Variants in ZNF146 observed in about 807,000 individuals in gnomAD.
The protein encoded by ZNF146 is zinc finger protein 146.
ZNF146 carries 9 observed loss-of-function variants against 22.2 expected under a neutral mutation model. The observed-to-expected ratio is 0.41, with a 90% CI of 0.24 to 0.71. The LOEUF is 0.71. Ranked by LOEUF, ZNF146 falls within the 30% of genes least tolerant of loss-of-function variation. The pLI, the probability that ZNF146 is intolerant of heterozygous loss-of-function variation, is 0.34. For synonymous variants in ZNF146, 108 were observed against 119.2 expected, an observed-to-expected ratio of 0.91 and a Z score of 0.61; for missense variants, 194 against 344.8, an observed-to-expected ratio of 0.56 and a Z score of 3.46.
chr19:36,229,895 T>C (rs904218591), intron 3 of ZNF146, among the ~76,000 whole-genome samples: 1 of 152,170 alleles, frequency 6.6e-6, no homozygotes, highest in Non-Finnish European at 1.5e-5. Flanking sequence ...AATTTTTGTA[T>C]TTTTCATAGA....
At chr19:36,217,065 T>TTTTTTTG in intron 1 of ZNF146, among the ~76,000 whole-genome samples, 1 of 133,954 alleles carries the variant, frequency 7.5e-6, no homozygotes, top group East Asian at 2.2e-4. Flanking sequence ...CTTTTTTTTT[T>TTTTTTTG]TTTTTTTTTT....
intron 2 of ZNF146, among the ~76,000 whole-genome samples, chr19:36,225,665 T>C (rs1011267861): frequency 6.6e-6 from 1 of 151,666 alleles, no homozygotes; most frequent in Non-Finnish European, 1.5e-5. Context: ...CTTGAACTCC[T>C]GGGCTCAAGC....
intron 2 of ZNF146, among the ~76,000 whole-genome samples, chr19:36,226,353 A>G (rs1273859292): frequency 6.6e-6 from 1 of 152,144 alleles, no homozygotes; most frequent in Non-Finnish European, 1.5e-5. Flanking sequence ...GACACACCCC[A>G]TTAGGAATTG....
chr19:36,221,933 T>G (rs983233136), intron 2 of ZNF146, among the ~76,000 whole-genome samples: 1 of 127,354 alleles, frequency 7.9e-6, no homozygotes, highest in Admixed American at 7.7e-5. Context: ...CTTTCTTTTT[T>G]TTTTTTTTTT....
At chr19:36,231,045 T>C (rs753855013) in intron 3 of ZNF146, among the ~76,000 whole-genome samples, 42 of 152,086 alleles carry the variant, frequency 2.8e-4, no homozygotes, top group Non-Finnish European at 4.6e-4. Flanking sequence ...AGCATAGATA[T>C]AATATACTGG....
chr19:36,220,243 T>C (rs928823528), intron 2 of ZNF146, among the ~76,000 whole-genome samples: 1 of 152,230 alleles, frequency 6.6e-6, no homozygotes, highest in Non-Finnish European at 1.5e-5. Flanking sequence ...TTGCAGAGCA[T>C]TTAAAAAATA....
At chr19:36,230,560 C>T (rs897561579) in intron 3 of ZNF146, among the ~76,000 whole-genome samples, 3 of 151,894 alleles carry the variant, frequency 2.0e-5, no homozygotes, top group South Asian at 2.1e-4. Context: ...CTGAAGAGTG[C>T]GAGAGTGGGC....
At chr19:36,222,427 G>T (rs927301233) in intron 2 of ZNF146, among the ~76,000 whole-genome samples, 1 of 152,156 alleles carries the variant, frequency 6.6e-6, no homozygotes, top group African/African-American at 2.4e-5. Context: ...TGACACAGGA[G>T]TAGCTCTAAA....
At chr19:36,215,683 T>G (rs1599952949) in intron 1 of ZNF146, among the ~76,000 whole-genome samples, 2 of 151,500 alleles carry the variant, frequency 1.3e-5, no homozygotes, top group Non-Finnish European at 2.9e-5. Flanking sequence ...TAAACGAGAG[T>G]GTTTCGAAGG....
chr19:36,216,063 C>T (rs985674471), intron 1 of ZNF146, among the ~76,000 whole-genome samples: 1 of 152,130 alleles, frequency 6.6e-6, no homozygotes, highest in African/African-American at 2.4e-5. Context: ...TCGTCATTGA[C>T]ATAGTTTTAA....
At chr19:36,227,889 G>A (rs1977144798) in intron 2 of ZNF146, among the ~76,000 whole-genome samples, 2 of 152,096 alleles carry the variant, frequency 1.3e-5, no homozygotes, top group Non-Finnish European at 2.9e-5. Context: ...GACACGGCAC[G>A]GTGGCTTACA....
intron 1 of ZNF146, among the ~76,000 whole-genome samples, chr19:36,216,331 A>T (rs1481395242): frequency 6.6e-6 from 1 of 152,142 alleles, no homozygotes; most frequent in African/African-American, 2.4e-5. Flanking sequence ...CGCAAACTTA[A>T]GTGAATGTAT....
At chr19:36,223,268 A>G (rs920209009) in intron 2 of ZNF146, among the ~76,000 whole-genome samples, 2 of 151,090 alleles carry the variant, frequency 1.3e-5, no homozygotes, top group Non-Finnish European at 2.9e-5. Flanking sequence ...AATACAAAAA[A>G]TTTAGCCAGT....
rs376577197 is a variant in ZNF146, at chr19:36,220,377, A to T, written c.-855+2182A>T. Among the ~76,000 whole-genome samples, 469 of 113,876 alleles carry T rather than the reference A, an allele frequency of 4.1e-3. 16 individuals are homozygous for T. The highest frequency in any genetic ancestry group is 6.8e-3 in the Non-Finnish European group (310 of 45,654). 74.7% of individuals were successfully genotyped at this position (113,876 alleles called of 152,430 possible). On this transcript the variant is annotated intron_variant, in intron 2 of 3. Coordinates refer to ENST00000443387, the MANE Select transcript of ZNF146 (RefSeq NM_007145.3). ...CTTTTTTTTAATTTAATTTTATTTTATTTTTGAGACGGAGTCTTGCTCTGT... is the reference window on the plus strand; with the variant it reads ...CTTTTTTTTAATTTAATTTTATTTTTTTTTTGAGACGGAGTCTTGCTCTGT...
intron 3 of ZNF146, among the ~76,000 whole-genome samples, chr19:36,231,786 T>G (rs1296414126): frequency 6.6e-6 from 1 of 152,138 alleles, no homozygotes; most frequent in Non-Finnish European, 1.5e-5. Flanking sequence ...CTAAGCTCTC[T>G]TTAATAGAGA....
chr19:36,232,410 G>A (rs1977421545), intron 3 of ZNF146, among the ~76,000 whole-genome samples: 1 of 151,698 alleles, frequency 6.6e-6, no homozygotes, highest in Admixed American at 6.6e-5. Context: ...ATATTTTCCA[G>A]AGGAACTTAC....
intron 2 of ZNF146, among the ~76,000 whole-genome samples, chr19:36,221,927 C>CTTTTTTT (rs60347994): frequency 4.6e-5 from 5 of 109,890 alleles, no homozygotes; most frequent in Non-Finnish European, 7.1e-5. Context: ...TTTTTTCTTT[C>CTTTTTTT]TTTTTTTTTT....
At chr19:36,223,640 G>A (rs1195910453) in intron 2 of ZNF146, among the ~76,000 whole-genome samples, 1 of 151,314 alleles carries the variant, frequency 6.6e-6, no homozygotes, top group Non-Finnish European at 1.5e-5. Flanking sequence ...TGGGATTACA[G>A]GCGTGAGCCA....
chr19:36,228,372 C>T (rs181731221), intron 2 of ZNF146: 11 of 152,190 alleles, frequency 7.2e-5, no homozygotes, highest in African/African-American at 2.4e-4. Flanking sequence ...TTAAAATCCT[C>T]TCAGGACCCT....
Sources: allele counts gnomAD v4.1 joint callset (sites outside exome capture counted in the v4.1 genomes callset), GRCh38; gene constraint gnomAD v4.1.1; transcripts MANE v1.5; gene names NCBI Gene and HGNC (gene_info 2026-07-23, HGNC 2026-07-21).